The following DUSP22 variants were observed in gnomAD, a reference collection of about 807,000 sequenced individuals.
DUSP22 encodes dual specificity phosphatase 22.
Under a neutral mutation model 24.5 loss-of-function variants are expected in DUSP22, and 24 were observed. The observed-to-expected ratio is 0.98, with a 90% CI of 0.71 to 1.38. The LOEUF (loss-of-function observed/expected upper bound fraction) is 1.38, where lower values mean the gene tolerates loss of function less well. Ranked by LOEUF, DUSP22 falls within the 40% of genes most tolerant of loss-of-function variation. The pLI, the probability that DUSP22 is intolerant of heterozygous loss-of-function variation, is 0.00. For missense variants in DUSP22, 330 were observed against 269.2 expected (o/e 1.23, Z -1.58); for synonymous variants, 160 against 106.4 (o/e 1.50, Z -3.10).
intron 4 of DUSP22, among the ~76,000 whole-genome samples, chr6:345,486 A>G (rs756178851): frequency 2.1e-3 from 314 of 152,318 alleles, no homozygotes; most frequent in Non-Finnish European, 2.7e-3. Context: ...CTGGGATTAC[A>G]GGCGTGAGCC....
intron 3 of DUSP22, among the ~76,000 whole-genome samples, chr6:331,593 A>G (rs1226579876): frequency 6.6e-6 from 1 of 152,302 alleles, no homozygotes; most frequent in Non-Finnish European, 1.5e-5. Flanking sequence ...CATTTGCAGA[A>G]CTTATTCATT....
At chr6:305,274 C>G (rs2127393734) in intron 2 of DUSP22, among the ~76,000 whole-genome samples, 1 of 152,422 alleles carries the variant, frequency 6.6e-6, no homozygotes, top group East Asian at 1.9e-4. Context: ...TGACCATCAC[C>G]TGATGGAGTG....
chr6:341,910 CTTGTATT>C (rs1212340924), intron 4 of DUSP22, among the ~76,000 whole-genome samples: 1 of 152,304 alleles, frequency 6.6e-6, no homozygotes, highest in African/African-American at 2.4e-5. Flanking sequence ...ACACTCCCCT[CTTGTATT>C]TTGAGATGTG....
intron 1 of DUSP22, among the ~76,000 whole-genome samples, chr6:303,508 A>C (rs1581147019): frequency 6.6e-6 from 1 of 152,412 alleles, no homozygotes; most frequent in East Asian, 1.9e-4. Flanking sequence ...AAATCAGCTA[A>C]CATGAAGAAC....
chr6:292,502 C>T lies in DUSP22; in HGVS notation c.-38C>T, dbSNP rs1467266655. The T allele has an allele frequency of 6.2e-7, 1 of 1,603,502 alleles. No individual in the cohort carries two copies. The highest frequency in any genetic ancestry group is 8.5e-7 in the Non-Finnish European group (1 of 1,175,378). On this transcript the variant is annotated 5_prime_UTR_variant, in exon 1 of 7. Coordinates refer to ENST00000419235, the MANE Select transcript of DUSP22 (RefSeq NM_001286555.3). ...GTAACATGCCATAGTGCGCCTGCGA[C>T]CACACGGCCGGGGCGCTAGCGTTCG...
At chr6:304,740 A>C in intron 2 of DUSP22, 79 bp downstream of exon 2, 5 of 1,586,638 alleles carry the variant, frequency 3.2e-6, no homozygotes, top group Non-Finnish European at 2.6e-6. Flanking sequence ...TAAAGTGTAT[A>C]GGTCAGTGGC....
In DUSP22 at chr6:350,052, T is replaced by C. The variant is rs1760118585; in HGVS notation, c.*1101T>C. ...TAAAATGCCTGAGCATTTATTAAGCTTCTTGGTATTCACTTGGGTTTGATA... is the reference window on the plus strand; with the variant it reads ...TAAAATGCCTGAGCATTTATTAAGCCTCTTGGTATTCACTTGGGTTTGATA... On this transcript the variant is annotated 3_prime_UTR_variant, in exon 7 of 7. Coordinates refer to ENST00000419235, the MANE Select transcript of DUSP22 (RefSeq NM_001286555.3). 7.1e-6 allele frequency: 7 copies of C among 985,528 alleles called. No homozygotes were observed. Among genetic ancestry groups the C allele is most frequent in the Non-Finnish European group, 8.4e-6 (7 of 830,028 alleles). The allele number at this position is 985,528 out of a possible 1,614,324, so 61.0% of individuals were successfully genotyped here.
intron 2 of DUSP22, among the ~76,000 whole-genome samples, chr6:310,118 G>A (rs1401509939): frequency 5.9e-5 from 9 of 152,302 alleles, no homozygotes; most frequent in Admixed American, 1.3e-4. Context: ...ACACCACCAC[G>A]CCCAGCTAAT....
chr6:313,055 A>G (rs1758180568), intron 3 of DUSP22, among the ~76,000 whole-genome samples: 1 of 147,514 alleles, frequency 6.8e-6, no homozygotes, highest in Admixed American at 6.9e-5. Context: ...ATTTTTTTGG[A>G]GCCTAACAGT....
intron 3 of DUSP22, among the ~76,000 whole-genome samples, chr6:324,116 T>C (rs1391580514): frequency 6.6e-6 from 1 of 152,308 alleles, no homozygotes; most frequent in Non-Finnish European, 1.5e-5. Flanking sequence ...TGGAAACCTC[T>C]GCAGCTGCTC....
At chr6:313,423 C>T (rs893285871) in intron 3 of DUSP22, among the ~76,000 whole-genome samples, 10 of 152,300 alleles carry the variant, frequency 6.6e-5, no homozygotes, top group South Asian at 2.1e-4. Flanking sequence ...CACAGGCTAG[C>T]GAGTAAAGCA....
chr6:328,440 T>C (rs1758985386), intron 3 of DUSP22, among the ~76,000 whole-genome samples: 1 of 152,308 alleles, frequency 6.6e-6, no homozygotes, highest in African/African-American at 2.4e-5. Context: ...TGAGTTCTCA[T>C]CTGTTGATCT....
chr6:343,491 G>A (rs1208550932), intron 4 of DUSP22, among the ~76,000 whole-genome samples: 10 of 152,310 alleles, frequency 6.6e-5, no homozygotes, highest in Non-Finnish European at 1.5e-4. Flanking sequence ...CCTGCCTGCA[G>A]TGCCCACTCT....
rs1760037296 is a variant in DUSP22, at chr6:349,069, G to GC, written c.*119dup. 1 of 1,478,526 alleles carries GC rather than the reference G, an allele frequency of 6.8e-7. No homozygotes were observed. The highest frequency in any genetic ancestry group is 2.2e-5 in the Admixed American group (1 of 44,496). The allele number at this position is 1,478,526 out of a possible 1,614,324, so 91.6% of individuals were successfully genotyped here. On this transcript the variant is annotated 3_prime_UTR_variant, in exon 7 of 7. Coordinates refer to ENST00000419235, the MANE Select transcript of DUSP22 (RefSeq NM_001286555.3). Reference sequence around the variant, plus strand: ...AGGGAGATAGCCAGGGCGAGGTGGGGCGAGGGCTCCTTCCCCCAAGCAACA... The same window carrying GC: ...AGGGAGATAGCCAGGGCGAGGTGGGGCCGAGGGCTCCTTCCCCCAAGCAACA...
In DUSP22 at chr6:349,564, G is replaced by C; in HGVS notation, c.*613G>C. 1 of 989,222 alleles carries C rather than the reference G, an allele frequency of 1.0e-6. No homozygotes were observed. Among genetic ancestry groups the C allele is most frequent in the Non-Finnish European group, 1.2e-6 (1 of 832,766 alleles). The allele number at this position is 989,222 out of a possible 1,614,324, so 61.3% of individuals were successfully genotyped here. A position where few individuals can be genotyped will look rare whatever the true frequency, so the allele number is the denominator to read the frequency against. ...CCTCTCCCAGAACCCACCCAGGGTG[G>C]TGTGGTGGGGGCAACAGGGGCCAGA... On this transcript the variant is annotated 3_prime_UTR_variant, in exon 7 of 7. Coordinates refer to ENST00000419235, the MANE Select transcript of DUSP22 (RefSeq NM_001286555.3).
intron 1 of DUSP22, among the ~76,000 whole-genome samples, chr6:294,380 T>A (rs1757232061): frequency 6.6e-6 from 1 of 152,270 alleles, no homozygotes; most frequent in Admixed American, 6.5e-5. Flanking sequence ...AGTACAGTGG[T>A]AAATGACCCA....
intron 3 of DUSP22, among the ~76,000 whole-genome samples, chr6:315,995 T>C (rs1468589881): frequency 1.3e-5 from 2 of 152,300 alleles, no homozygotes; most frequent in African/African-American, 4.8e-5. Context: ...ATGAGATCCT[T>C]CTTCTGCCGT....
chr6:297,477 G>T (rs554801009), intron 1 of DUSP22, among the ~76,000 whole-genome samples: 2 of 152,426 alleles, frequency 1.3e-5, no homozygotes, highest in African/African-American at 4.8e-5. Flanking sequence ...TCTAGGCATA[G>T]ACCGGTGTTC....
intron 5 of DUSP22, among the ~76,000 whole-genome samples, chr6:347,025 A>T (rs898899384): frequency 6.6e-6 from 1 of 152,308 alleles, no homozygotes; most frequent in African/African-American, 2.4e-5. Context: ...TTTAAAGAGT[A>T]GAAAGTGTAA....
Sources: gnomAD v4.1 joint callset for allele counts (sites outside exome capture counted in the v4.1 genomes callset) on GRCh38, gnomAD v4.1.1 for gene constraint, MANE v1.5 for transcripts, NCBI Gene and HGNC (gene_info 2026-07-23, HGNC 2026-07-21) for gene names.